Variants in SNTG1 observed in about 807,000 individuals in gnomAD.
SNTG1 encodes gamma-1-syntrophin.
A neutral mutation model predicts 74.7 loss-of-function variants in SNTG1; 39 were observed. The observed-to-expected ratio is 0.52, with a 90% CI of 0.40 to 0.68. SNTG1 has a LOEUF of 0.68. Ranked by LOEUF, SNTG1 falls within the 30% of genes least tolerant of loss-of-function variation. The pLI is 0.00. For synonymous variants in SNTG1, 254 were observed against 217.1 expected, an observed-to-expected ratio of 1.17 and a Z score of -1.49; for missense variants, 685 against 609.5, an observed-to-expected ratio of 1.12 and a Z score of -1.30.
At position 49,951,874 on chromosome 8, in the gene SNTG1, A is replaced by AC. The variant is rs1809748077; in HGVS notation, c.-103+39643_-103+39644insC. On this transcript the variant is annotated intron_variant, in intron 1 of 18. Coordinates refer to ENST00000642720, the MANE Select transcript of SNTG1 (RefSeq NM_018967.5). ...ACAGAAGGAAATCTGGAAAATTCAC[A>AC]AAAAAAAAAAAAAAAAAAAAAAAAA... Among the ~76,000 whole-genome samples the AC allele has an allele frequency of 3.7e-4, 4 of 10,770 alleles. No homozygotes were observed. The Admixed American group carries it at 5.8e-3, about 16-fold the overall frequency. The allele number at this position is 10,770 out of a possible 152,430, so 7.1% of individuals were successfully genotyped here.
intron 2 of SNTG1, among the ~76,000 whole-genome samples, chr8:50,192,588 C>T (rs2083616182): frequency 1.3e-5 from 2 of 151,960 alleles, no homozygotes; most frequent in Non-Finnish European, 2.9e-5. Context: ...ATGATTTTCT[C>T]CCACTCTGTG....
chr8:50,264,028 G>C (rs2087327492), intron 2 of SNTG1, among the ~76,000 whole-genome samples: 1 of 152,130 alleles, frequency 6.6e-6, no homozygotes, highest in Non-Finnish European at 1.5e-5. Context: ...TAACAAAGAA[G>C]ATGTGGATAA....
chr8:50,143,314 T>A (rs889799423), intron 1 of SNTG1, among the ~76,000 whole-genome samples: 2 of 152,182 alleles, frequency 1.3e-5, no homozygotes, highest in Admixed American at 1.3e-4. Flanking sequence ...CCTTGCTATA[T>A]TTTGTACTAC....
chr8:49,980,832 T>A (rs931293), intron 1 of SNTG1, among the ~76,000 whole-genome samples: 81,293 of 152,106 alleles, frequency 0.53, 24,552 homozygotes, highest in East Asian at 0.83. Context: ...TAAAGCTAAC[T>A]TTTATTAGGG....
At chr8:50,225,509 C>T (rs2085285701) in intron 2 of SNTG1, among the ~76,000 whole-genome samples, 1 of 152,150 alleles carries the variant, frequency 6.6e-6, no homozygotes, top group Admixed American at 6.5e-5. Context: ...AACCAATGCT[C>T]ATCTTACATG....
At chr8:50,749,056 G>T (rs373520502) in intron 17 of SNTG1, among the ~76,000 whole-genome samples, 52 of 152,120 alleles carry the variant, frequency 3.4e-4, no homozygotes, top group African/African-American at 1.2e-3. Context: ...GCTAAAAGCT[G>T]GGCCTCCTGT....
intron 1 of SNTG1, among the ~76,000 whole-genome samples, chr8:49,937,999 C>T (rs558724196): frequency 8.5e-5 from 13 of 152,152 alleles, no homozygotes; most frequent in African/African-American, 2.7e-4. Context: ...GTCTTAAATT[C>T]GGCCTTGTCC....
At chr8:50,135,813 T>A (rs1304012324) in intron 1 of SNTG1, among the ~76,000 whole-genome samples, 1 of 152,198 alleles carries the variant, frequency 6.6e-6, no homozygotes, top group Non-Finnish European at 1.5e-5. Flanking sequence ...GTAAACTGCA[T>A]GTTGCAGGGG....
chr8:50,092,851 A>G (rs2079790930), intron 1 of SNTG1, among the ~76,000 whole-genome samples: 1 of 152,166 alleles, frequency 6.6e-6, no homozygotes, highest in African/African-American at 2.4e-5. Flanking sequence ...AGTAATGCAA[A>G]GATAAGAAAG....
intron 2 of SNTG1, among the ~76,000 whole-genome samples, chr8:50,270,000 T>C (rs2087694934): frequency 2.6e-5 from 4 of 152,222 alleles, no homozygotes; most frequent in Admixed American, 2.6e-4. Context: ...ATCCTTTCTT[T>C]ATCATTCCTT....
chr8:50,059,042 T>C (rs542641787), intron 1 of SNTG1, among the ~76,000 whole-genome samples: 2 of 152,244 alleles, frequency 1.3e-5, no homozygotes, highest in East Asian at 3.9e-4. Context: ...GTAATATTCC[T>C]TCAAGATTCA....
chr8:49,925,320 A>G (rs765676241), intron 1 of SNTG1, among the ~76,000 whole-genome samples: 1 of 152,220 alleles, frequency 6.6e-6, no homozygotes, highest in Non-Finnish European at 1.5e-5. Context: ...TCATGATAAC[A>G]TCTTACATAA....
chr8:50,280,183 C>T (rs1196934677), intron 2 of SNTG1, among the ~76,000 whole-genome samples: 4 of 152,102 alleles, frequency 2.6e-5, no homozygotes, highest in African/African-American at 9.7e-5. Flanking sequence ...GAAAATTCTG[C>T]CAGAAGTTTC....
chr8:49,921,780 C>A (rs13271446), intron 1 of SNTG1, among the ~76,000 whole-genome samples: 66,656 of 151,846 alleles, frequency 0.44, 17,712 homozygotes, highest in Non-Finnish European at 0.56. Context: ...CTTTTCTCCA[C>A]CTCATTATAT....
intron 14 of SNTG1, 70 bp from the exon 15 acceptor site, chr8:50,658,522 T>C: frequency 8.9e-7 from 1 of 1,128,378 alleles, no homozygotes; most frequent in Non-Finnish European, 1.3e-6. Flanking sequence ...TTCACTATAT[T>C]ATGCAAATCA....
At chr8:50,625,952 C>G (rs772815864) in intron 13 of SNTG1, among the ~76,000 whole-genome samples, 1 of 152,074 alleles carries the variant, frequency 6.6e-6, no homozygotes, top group Non-Finnish European at 1.5e-5. Context: ...GCTTTCCTTC[C>G]CAGTGAGACT....
chr8:50,021,544 G>T (rs959845428), intron 1 of SNTG1, among the ~76,000 whole-genome samples: 5 of 152,100 alleles, frequency 3.3e-5, no homozygotes, highest in Admixed American at 3.3e-4. Context: ...TGAGAACTCT[G>T]GGAACTCTAG....
intron 8 of SNTG1, among the ~76,000 whole-genome samples, chr8:50,474,482 A>G (rs1180187342): frequency 2.0e-5 from 3 of 152,214 alleles, no homozygotes; most frequent in African/African-American, 7.2e-5. Flanking sequence ...AAAAATGCTC[A>G]TCATCACTGG....
chr8:50,783,109 G>A (rs1258551852), intron 18 of SNTG1, among the ~76,000 whole-genome samples: 1 of 152,002 alleles, frequency 6.6e-6, no homozygotes, highest in African/African-American at 2.4e-5. Flanking sequence ...GTCAGTCTGG[G>A]GGGTGCCTCC....
Sources: gnomAD v4.1 joint callset for allele counts (sites outside exome capture counted in the v4.1 genomes callset) on GRCh38, gnomAD v4.1.1 for gene constraint, MANE v1.5 for transcripts, NCBI Gene and HGNC (gene_info 2026-07-23, HGNC 2026-07-21) for gene names.